The following CLSTN2 variants were observed in gnomAD, a reference collection of about 807,000 sequenced individuals.
CLSTN2 encodes calsyntenin 2.
Under a neutral mutation model 101.2 loss-of-function variants are expected in CLSTN2, and 48 were observed. That is an observed-to-expected ratio of 0.47 (90% confidence interval 0.38 to 0.60). The LOEUF (loss-of-function observed/expected upper bound fraction) is 0.60, where lower values mean the gene tolerates loss of function less well. Among genes scored for constraint, CLSTN2 ranks in the 20% least tolerant of loss-of-function variants. The pLI is 0.00. For missense variants in CLSTN2, 1,160 were observed against 1,238.2 expected (o/e 0.94, Z 0.95); for synonymous variants, 481 against 463.6 (o/e 1.04, Z -0.48).
chr3:140,141,863 C>T (rs1277031520), intron 1 of CLSTN2, among the ~76,000 whole-genome samples: 2 of 152,224 alleles, frequency 1.3e-5, no homozygotes, highest in Non-Finnish European at 2.9e-5. Context: ...AGGGCTTTTG[C>T]TTCACTCCCT....
intron 9 of CLSTN2, among the ~76,000 whole-genome samples, chr3:140,546,187 AG>A (rs1935580457): frequency 6.6e-6 from 1 of 152,246 alleles, no homozygotes; most frequent in Admixed American, 6.5e-5. Context: ...GGCACAAGGC[AG>A]GCCTGAAGTT....
chr3:140,559,249 C>A (rs1466966501), intron 12 of CLSTN2, among the ~76,000 whole-genome samples: 2 of 151,742 alleles, frequency 1.3e-5, no homozygotes, highest in African/African-American at 4.8e-5. Context: ...ATAACGAGAG[C>A]CCGTTTGTTT....
At chr3:140,219,928 T>G (rs1391765800) in intron 2 of CLSTN2, among the ~76,000 whole-genome samples, 1 of 152,222 alleles carries the variant, frequency 6.6e-6, no homozygotes, top group Non-Finnish European at 1.5e-5. Flanking sequence ...TTTGGGCATA[T>G]TTCCTCATTC....
intron 2 of CLSTN2, among the ~76,000 whole-genome samples, chr3:140,360,872 A>T (rs2087723385): frequency 6.6e-6 from 1 of 152,246 alleles, no homozygotes; most frequent in Admixed American, 6.5e-5. Context: ...CATTAAAAAT[A>T]TTCCCACAAA....
At chr3:140,465,494 C>T (rs1471235013) in intron 7 of CLSTN2, among the ~76,000 whole-genome samples, 1 of 152,322 alleles carries the variant, frequency 6.6e-6, no homozygotes, top group Non-Finnish European at 1.5e-5. Flanking sequence ...GCACTAGGAA[C>T]ATGGTCATGG....
intron 2 of CLSTN2, among the ~76,000 whole-genome samples, chr3:140,247,027 T>C (rs754720744): frequency 6.6e-6 from 1 of 152,206 alleles, no homozygotes; most frequent in Non-Finnish European, 1.5e-5. Context: ...GAAAACAGAA[T>C]GTAGAACACA....
intron 2 of CLSTN2, among the ~76,000 whole-genome samples, chr3:140,184,224 C>G (rs758178144): frequency 2.0e-5 from 3 of 152,186 alleles, no homozygotes; most frequent in Non-Finnish European, 2.9e-5. Flanking sequence ...TGGCAAGCAG[C>G]TACTTATGAG....
intron 8 of CLSTN2, among the ~76,000 whole-genome samples, chr3:140,487,107 A>G (rs752795882): frequency 1.3e-5 from 2 of 152,140 alleles, no homozygotes; most frequent in Non-Finnish European, 1.5e-5. Context: ...AAACAGAAAA[A>G]TCACTCTCTA....
At chr3:140,123,622 G>T (rs756601289) in intron 1 of CLSTN2, among the ~76,000 whole-genome samples, 1 of 152,086 alleles carries the variant, frequency 6.6e-6, no homozygotes, top group Non-Finnish European at 1.5e-5. Context: ...CATAAACTGC[G>T]TGGCTTAAAT....
intron 3 of CLSTN2, among the ~76,000 whole-genome samples, chr3:140,404,262 T>C (rs1250654953): frequency 6.6e-6 from 1 of 152,162 alleles, no homozygotes; most frequent in Non-Finnish European, 1.5e-5. Flanking sequence ...TCTTACTGAA[T>C]GGAGGAGTGG....
intron 1 of CLSTN2, among the ~76,000 whole-genome samples, chr3:140,047,430 G>T (rs1453087629): frequency 2.0e-5 from 3 of 151,978 alleles, no homozygotes; most frequent in African/African-American, 7.3e-5. Flanking sequence ...ATTTCTAACT[G>T]CCATATAATA....
chr3:140,107,799 A>AT (rs2107793115), intron 1 of CLSTN2, among the ~76,000 whole-genome samples: 1 of 152,266 alleles, frequency 6.6e-6, no homozygotes, highest in South Asian at 2.1e-4. Flanking sequence ...ATGGATTATC[A>AT]TTTCACTTGG....
rs369204758 is a variant in CLSTN2, at chr3:140,094,776, T to C, written c.110-81175T>C. On this transcript the variant is annotated intron_variant, in intron 1 of 16. Transcript: ENST00000458420. ...CAGTGTCTGTGCCCCCAAGTTATAC[T>C]GTCAGGGGGCTCTCCTTGAATATGG... 3.3e-5 allele frequency among the ~76,000 whole-genome samples: 5 copies of C among 152,336 alleles called. No individual in the cohort carries two copies. In the East Asian group the frequency reaches 7.7e-4, roughly 23 times the overall value.
chr3:140,094,252 CTT>C (rs1367100045), intron 1 of CLSTN2, among the ~76,000 whole-genome samples: 4 of 152,080 alleles, frequency 2.6e-5, no homozygotes, highest in African/African-American at 9.7e-5. Flanking sequence ...GGGTAATTGT[CTT>C]TATTTAAGGT....
At chr3:140,089,705 C>T (rs2008743364) in intron 1 of CLSTN2, among the ~76,000 whole-genome samples, 1 of 151,346 alleles carries the variant, frequency 6.6e-6, no homozygotes, top group African/African-American at 2.4e-5. Context: ...CGTGACTTCC[C>T]AGTCTTGTGA....
At chr3:140,490,718 C>A (rs72991084) in intron 8 of CLSTN2, among the ~76,000 whole-genome samples, 7,873 of 151,962 alleles carry the variant, frequency 0.052, 671 homozygotes, top group African/African-American at 0.18. Flanking sequence ...TTTCACCAAG[C>A]AGTGTCATAG....
At chr3:140,196,561 G>C (rs1018128690) in intron 2 of CLSTN2, among the ~76,000 whole-genome samples, 3 of 152,194 alleles carry the variant, frequency 2.0e-5, no homozygotes, top group Non-Finnish European at 4.4e-5. Flanking sequence ...ACCCTTGCTG[G>C]TCATCAGGGT....
chr3:140,322,411 G>T (rs2087292489), intron 2 of CLSTN2, among the ~76,000 whole-genome samples: 1 of 152,208 alleles, frequency 6.6e-6, no homozygotes, highest in Non-Finnish European at 1.5e-5. Flanking sequence ...GACCTCAGAT[G>T]CTGGTGGGGG....
At chr3:140,452,718 G>A (rs3811709) in intron 6 of CLSTN2, 32,090 of 152,084 alleles carry the variant, frequency 0.21, 4,051 homozygotes, top group African/African-American at 0.35. Flanking sequence ...GGGAAGCATT[G>A]GATGTCAGGC....
Sources: allele counts gnomAD v4.1 joint callset (sites outside exome capture counted in the v4.1 genomes callset), GRCh38; gene constraint gnomAD v4.1.1; transcripts MANE v1.5; gene names NCBI Gene and HGNC (gene_info 2026-07-23, HGNC 2026-07-21).